Variants in FRMD4A observed in about 807,000 individuals in gnomAD.
FRMD4A encodes the protein FERM domain-containing protein 4A.
FRMD4A carries 29 observed loss-of-function variants against 129.1 expected under a neutral mutation model. The observed-to-expected ratio is 0.22, with a 90% CI of 0.17 to 0.31. The LOEUF (loss-of-function observed/expected upper bound fraction) is 0.31. Among genes scored for constraint, FRMD4A ranks in the 10% least tolerant of loss-of-function variants. FRMD4A has a pLI of 1.00. For missense variants in FRMD4A, 1,272 were observed against 1,375.8 expected (o/e 0.92, Z 1.19); for synonymous variants, 634 against 571.6 (o/e 1.11, Z -1.56).
intron 2 of FRMD4A, among the ~76,000 whole-genome samples, chr10:14,203,485 AG>A (rs1842697076): frequency 6.6e-6 from 1 of 152,256 alleles, no homozygotes; most frequent in Non-Finnish European, 1.5e-5. Flanking sequence ...ACTAGAAAGC[AG>A]GCGGTGATAA....
intron 2 of FRMD4A, among the ~76,000 whole-genome samples, chr10:13,925,098 G>A (rs113460267): frequency 3.4e-5 from 5 of 147,284 alleles, no homozygotes; most frequent in African/African-American, 1.2e-4. Context: ...ACTTAAGAGA[G>A]AATGCAACTG....
At chr10:14,076,304 G>A (rs183229331) in intron 2 of FRMD4A, among the ~76,000 whole-genome samples, 2 of 152,264 alleles carry the variant, frequency 1.3e-5, no homozygotes, top group East Asian at 3.9e-4. Flanking sequence ...CATTTCCAGG[G>A]CTGGGTTAAA....
chr10:13,851,176 T>G (rs2094135304), intron 3 of FRMD4A, among the ~76,000 whole-genome samples: 1 of 152,144 alleles, frequency 6.6e-6, no homozygotes. Context: ...ATCACGTCAC[T>G]GCACTCCAGC....
chr10:14,031,894 A>G (rs1833264908), intron 2 of FRMD4A, among the ~76,000 whole-genome samples: 1 of 151,022 alleles, frequency 6.6e-6, no homozygotes, highest in South Asian at 2.1e-4. Context: ...TTCTTCCCCC[A>G]TTGCCTTTCC....
At chr10:14,285,166 A>G (rs1236479886) in intron 2 of FRMD4A, among the ~76,000 whole-genome samples, 1 of 152,214 alleles carries the variant, frequency 6.6e-6, no homozygotes, top group African/African-American at 2.4e-5. Context: ...TATTAGAGTA[A>G]GTGACACCGC....
intron 2 of FRMD4A, among the ~76,000 whole-genome samples, chr10:14,194,821 T>C (rs1027612226): frequency 6.6e-6 from 1 of 151,830 alleles, no homozygotes; most frequent in African/African-American, 2.4e-5. Flanking sequence ...TATTATCATA[T>C]TATATCACAT....
Position 14,185,458 on chromosome 10 carries a change from T to A in FRMD4A, c.45+144600A>T, listed in dbSNP as rs57222281. Among the ~76,000 whole-genome samples, 7 of 152,204 alleles carry A rather than the reference T, an allele frequency of 4.6e-5. 1 individual carries two copies. The South Asian group carries it at 8.3e-4, about 18-fold the overall frequency. ...CAGATGAGGATGTCGTGGCAGAAAT[T>A]AGTACAAAAAACATTACAACATTTT... is the stretch of plus-strand genomic sequence containing the variant. On this transcript the variant is annotated intron_variant, in intron 2 of 24. Transcript: ENST00000357447.
chr10:14,169,668 C>A (rs1480502532), intron 2 of FRMD4A, among the ~76,000 whole-genome samples: 2 of 152,148 alleles, frequency 1.3e-5, no homozygotes, highest in African/African-American at 4.8e-5. Flanking sequence ...ATCTCAGAGG[C>A]CCCTTCAGAT....
chr10:14,116,178 A>G (rs1838187210), intron 2 of FRMD4A, among the ~76,000 whole-genome samples: 1 of 152,206 alleles, frequency 6.6e-6, no homozygotes, highest in Admixed American at 6.5e-5. Flanking sequence ...GGTTATGAAA[A>G]TTGCATGCCT....
At chr10:14,097,820 T>C (rs1186608081) in intron 2 of FRMD4A, among the ~76,000 whole-genome samples, 1 of 149,804 alleles carries the variant, frequency 6.7e-6, no homozygotes, top group African/African-American at 2.4e-5. Context: ...ATAATTATGA[T>C]AAGAATAGCT....
chr10:13,797,588 C>A (rs1490198889), intron 4 of FRMD4A, among the ~76,000 whole-genome samples: 1 of 152,152 alleles, frequency 6.6e-6, no homozygotes. Flanking sequence ...ATGGAACAAC[C>A]AAGCTGAAGA....
Position 13,818,931 on chromosome 10 carries a change from G to A in FRMD4A, c.112-8023C>T, listed in dbSNP as rs142970570. On this transcript the variant is annotated intron_variant, in intron 3 of 24. Coordinates refer to ENST00000357447, the MANE Select transcript of FRMD4A (RefSeq NM_018027.5). The stretch of plus-strand genomic sequence containing the variant: ...ACCTGAGGCCAGGAGTTTGAGACTA[G>A]CCTGGCCAACACGGTGAAACCCTGT... Among the ~76,000 whole-genome samples, 264 of 152,274 alleles carry A rather than the reference G, an allele frequency of 1.7e-3. 3 individuals are homozygous for A. The highest frequency in any genetic ancestry group is 5.3e-3 in the African/African-American group (219 of 41,562).
intron 2 of FRMD4A, among the ~76,000 whole-genome samples, chr10:14,241,935 G>C (rs1051639716): frequency 6.6e-6 from 1 of 151,986 alleles, no homozygotes; most frequent in African/African-American, 2.4e-5. Context: ...TTCCTAAGCT[G>C]TATCACCACC....
At chr10:13,779,461 T>A (rs992199846) in intron 6 of FRMD4A, among the ~76,000 whole-genome samples, 1 of 152,240 alleles carries the variant, frequency 6.6e-6, no homozygotes, top group Admixed American at 6.5e-5. Context: ...GAATTTGCCC[T>A]GACTGAATGC....
chr10:13,959,467 T>C (rs2095432019), intron 2 of FRMD4A, among the ~76,000 whole-genome samples: 1 of 85,436 alleles, frequency 1.2e-5, no homozygotes, highest in African/African-American at 6.0e-5. Context: ...GCAAGACTGT[T>C]TCATAAAAAA....
intron 2 of FRMD4A, among the ~76,000 whole-genome samples, chr10:14,049,541 A>G (rs1834158932): frequency 6.6e-6 from 1 of 152,216 alleles, no homozygotes; most frequent in African/African-American, 2.4e-5. Flanking sequence ...GTCGTAAAGT[A>G]AATATTTTTT....
intron 2 of FRMD4A, among the ~76,000 whole-genome samples, chr10:13,986,673 A>G (rs1717603482): frequency 6.9e-6 from 1 of 144,490 alleles, no homozygotes; most frequent in East Asian, 2.2e-4. Context: ...AAATAAATAA[A>G]TAAAATAAAT....
At chr10:13,731,112 C>T (rs911755493) in intron 12 of FRMD4A, among the ~76,000 whole-genome samples, 9 of 152,082 alleles carry the variant, frequency 5.9e-5, no homozygotes, top group South Asian at 4.2e-4. Flanking sequence ...TGTAAGATCC[C>T]GTCAGCACCG....
rs2093120725 is a variant in FRMD4A, at chr10:13,796,421, G to A, written c.299+75C>T. 6 of 779,914 alleles carry A rather than the reference G, an allele frequency of 7.7e-6. 1 individual carries two copies. Among genetic ancestry groups the A allele is most frequent in the South Asian group, 7.1e-5 (5 of 70,622 alleles). The allele number at this position is 779,914 out of a possible 1,614,324, so 48.3% of individuals were successfully genotyped here. On this transcript the variant is annotated intron_variant, in intron 5 of 24. Coordinates refer to ENST00000357447, the MANE Select transcript of FRMD4A (RefSeq NM_018027.5). ...GACAAACTTGAGCTCTCTTTCCTTG[G>A]AATCACTCTGCCCTCCCAGACTTCC...
Sources: gnomAD v4.1 joint callset for allele counts (sites outside exome capture counted in the v4.1 genomes callset) on GRCh38, gnomAD v4.1.1 for gene constraint, MANE v1.5 for transcripts, NCBI Gene and HGNC (gene_info 2026-07-23, HGNC 2026-07-21) for gene names.